Variants in C11orf65 observed in about 807,000 individuals in gnomAD.
The protein encoded by C11orf65 is protein MFI.
Under a neutral mutation model 35.3 loss-of-function variants are expected in C11orf65, and 38 were observed. The ratio of observed to expected loss-of-function variants is 1.08; its 90% CI spans 0.83 to 1.41. The LOEUF (loss-of-function observed/expected upper bound fraction) is 1.41. Ranked by LOEUF, C11orf65 falls within the 40% of genes most tolerant of loss-of-function variation. C11orf65 has a pLI of 0.00. For missense variants in C11orf65, 370 were observed against 367.1 expected (o/e 1.01, Z -0.06); for synonymous variants, 105 against 114.4 (o/e 0.92, Z 0.53).
intron 2 of C11orf65, among the ~76,000 whole-genome samples, chr11:108,357,319 T>C (rs1014372068): frequency 2.6e-5 from 4 of 152,128 alleles, no homozygotes; most frequent in African/African-American, 9.7e-5. Context: ...CGCTGATTGC[T>C]AGCACAGCAG....
intron 2 of C11orf65, among the ~76,000 whole-genome samples, chr11:108,440,736 T>C (rs924077570): frequency 5.9e-5 from 9 of 152,132 alleles, no homozygotes; most frequent in African/African-American, 1.9e-4. Context: ...CTGCAATGCT[T>C]TTTATGACCT....
chr11:108,431,859 T>C (rs1353130309), intron 2 of C11orf65, 21 bp from the exon 3 acceptor site: 3 of 1,380,026 alleles, frequency 2.2e-6, no homozygotes, highest in Non-Finnish European at 2.0e-6. Flanking sequence ...AAACACAAGA[T>C]TTCATGATCA....
At chr11:108,386,092 C>A (rs1168296600) in intron 7 of C11orf65, 117 bp from the exon 8 acceptor site, 2 of 812,342 alleles carry the variant, frequency 2.5e-6, no homozygotes, top group Non-Finnish European at 4.1e-6. Flanking sequence ...GTTCACTAGC[C>A]TCCATGTGTA....
chr11:108,432,486 C>T (rs2093003728), intron 2 of C11orf65, among the ~76,000 whole-genome samples: 1 of 152,158 alleles, frequency 6.6e-6, no homozygotes, highest in African/African-American at 2.4e-5. Flanking sequence ...GAGTGTTCAT[C>T]TATTTTTCAC....
At chr11:108,365,604 A>G in intron 2 of C11orf65, 1 of 1,411,214 alleles carries the variant, frequency 7.1e-7, no homozygotes, top group East Asian at 2.5e-5. Context: ...AGGGATTAAT[A>G]TTTAAGTGAA....
Position 108,393,231 on chromosome 11 carries a change from C to T in C11orf65, c.708G>A (p.Trp236Ter), listed in dbSNP as rs1323842627. The T allele has an allele frequency of 1.2e-6, 2 of 1,613,870 alleles. No individual in the cohort carries two copies. Among genetic ancestry groups the T allele is most frequent in the Admixed American group, 3.3e-5 (2 of 59,984 alleles). Reference sequence around the variant, plus strand: ...ACTCATCAAAGTTCAGTGTATTTGTCCAGTTCAGCACTTCATCCACTTCCC... The same window carrying T: ...ACTCATCAAAGTTCAGTGTATTTGTTCAGTTCAGCACTTCATCCACTTCCC... ...MEWEVDEVLNWTNTLNFDEYI... is the reference protein window; with the variant it reads ...MEWEVDEVLN Residue 236 changes from tryptophan (W) to a stop codon, truncating the protein, a stop_gained, in exon 7 of 9, where the codon TGG becomes TGA. Coordinates refer to ENST00000393084, the MANE Select transcript of C11orf65 (RefSeq NM_152587.5). LOFTEE classifies it high-confidence loss of function.
At chr11:108,390,520 C>T (rs1391607282) in intron 7 of C11orf65, among the ~76,000 whole-genome samples, 1 of 152,028 alleles carries the variant, frequency 6.6e-6, no homozygotes, top group Non-Finnish European at 1.5e-5. Context: ...GTTTGCCGGC[C>T]CTTAGCTTGA....
chr11:108,339,080 CAGAG>C (rs1277625872), intron 2 of C11orf65, among the ~76,000 whole-genome samples: 5 of 152,150 alleles, frequency 3.3e-5, no homozygotes, highest in Non-Finnish European at 4.4e-5. Context: ...TATCTCTTGT[CAGAG>C]AGAATCAGAT....
intron 6 of C11orf65, among the ~76,000 whole-genome samples, chr11:108,324,335 C>G (rs1013685266): frequency 6.6e-6 from 1 of 152,042 alleles, no homozygotes. Context: ...TACAGAGAAA[C>G]TACTGTAGTT....
chr11:108,318,275 T>C (rs1369052600), intron 6 of C11orf65, among the ~76,000 whole-genome samples: 1 of 151,926 alleles, frequency 6.6e-6, no homozygotes, highest in East Asian at 1.9e-4. Flanking sequence ...GGCAGGAGAA[T>C]TGCTAGAACA....
At chr11:108,405,027 C>T (rs984994642) in intron 6 of C11orf65, among the ~76,000 whole-genome samples, 1 of 152,176 alleles carries the variant, frequency 6.6e-6, no homozygotes, top group Non-Finnish European at 1.5e-5. Context: ...CGGGATGTGG[C>T]GAAGTTTTAC....
rs938906051 is a variant in C11orf65, at chr11:108,321,525, G to T, written c.641-12454C>A. The T allele has an allele frequency of 6.6e-6, 10 of 1,523,126 alleles. No homozygotes were observed. The Admixed American group carries it at 1.7e-4, about 26-fold the overall frequency. 94.4% of individuals were successfully genotyped at this position (1,523,126 alleles called of 1,614,324 possible). On this transcript the variant is annotated intron_variant, in intron 6 of 6. Transcript: ENST00000525729. ...AGGCCGGGCACGGTGGCTCATGCCT[G>T]TAATCCTAGCACTTTAGAAGGCTGA...
chr11:108,317,648 TATATACAC>T (rs1181536529), intron 6 of C11orf65: 61 of 133,378 alleles, frequency 4.6e-4, no homozygotes, highest in African/African-American at 2.5e-3. Context: ...TATATATATA[TATATACAC>T]ACACACACAC....
chr11:108,406,628 G>A, intron 5 of C11orf65, 135 bp downstream of exon 5: 3 of 554,326 alleles, frequency 5.4e-6, no homozygotes, highest in Non-Finnish European at 8.9e-6. Context: ...CCCCTGAGTA[G>A]CTAACTTAAG....
intron 6 of C11orf65, among the ~76,000 whole-genome samples, chr11:108,309,295 G>A (rs1228123709): frequency 2.0e-5 from 3 of 152,104 alleles, no homozygotes; most frequent in Non-Finnish European, 2.9e-5. Flanking sequence ...CTTTCCATGG[G>A]GAAATTATTT....
chr11:108,329,413 GT>G (rs529551923), downstream of C11orf65: 2,716 of 549,942 alleles, frequency 4.9e-3, no homozygotes, highest in East Asian at 8.9e-3. Context: ...TTTGTTTTTT[GT>G]TTTTTTTTTT....
intron 7 of C11orf65, among the ~76,000 whole-genome samples, chr11:108,391,616 C>T (rs1483536618): frequency 6.6e-6 from 1 of 152,152 alleles, no homozygotes; most frequent in African/African-American, 2.4e-5. Flanking sequence ...GGACCTCAAA[C>T]AGTCCACCCG....
intron 2 of C11orf65, among the ~76,000 whole-genome samples, chr11:108,357,252 C>T (rs978032029): frequency 2.6e-5 from 4 of 152,200 alleles, no homozygotes; most frequent in East Asian, 1.9e-4. Flanking sequence ...TAAAAAACGG[C>T]GCACCACGAG....
At chr11:108,324,989 G>A (rs1299575230) in intron 6 of C11orf65, among the ~76,000 whole-genome samples, 2 of 152,080 alleles carry the variant, frequency 1.3e-5, no homozygotes, top group African/African-American at 4.8e-5. Context: ...CTTTATGATA[G>A]GTCTGATGAA....
Sources: allele counts gnomAD v4.1 joint callset (sites outside exome capture counted in the v4.1 genomes callset), GRCh38; gene constraint gnomAD v4.1.1; transcripts MANE v1.5; gene names NCBI Gene and HGNC (gene_info 2026-07-23, HGNC 2026-07-21).